The following ADGRL3 variants were observed in gnomAD, a reference collection of about 807,000 sequenced individuals.
The protein encoded by ADGRL3 is adhesion G protein-coupled receptor L3.
In ADGRL3, 62 loss-of-function variants were observed where a neutral mutation model predicts 153.5. That is an observed-to-expected ratio of 0.40 (90% CI 0.33 to 0.50). The LOEUF (loss-of-function observed/expected upper bound fraction) is 0.50. Among genes scored for constraint, ADGRL3 ranks in the 20% least tolerant of loss-of-function variants. ADGRL3 has a pLI of 0.47. For missense variants in ADGRL3, 1,641 were observed against 1,859.4 expected, an observed-to-expected ratio of 0.88 and a Z score of 2.16; for synonymous variants, 710 against 672.5, an observed-to-expected ratio of 1.06 and a Z score of -0.86.
chr4:61,981,531 GAAAGA>G (rs2099068332), intron 18 of ADGRL3, among the ~76,000 whole-genome samples: 1 of 149,544 alleles, frequency 6.7e-6, no homozygotes, highest in African/African-American at 2.5e-5. Context: ...GAAAAAAAGG[GAAAGA>G]AAAGAAAAAA....
At chr4:61,711,486 A>ATATATATATATATATATATG (rs2095987685) in intron 6 of ADGRL3, among the ~76,000 whole-genome samples, 1 of 110,542 alleles carries the variant, frequency 9.0e-6, no homozygotes, top group Non-Finnish European at 1.9e-5. Flanking sequence ...ATATATATAT[A>ATATATATATATATATATATG]TATATACACA....
rs201566415 is a variant in ADGRL3, at chr4:61,263,534, C to A, written c.-240+61769C>A. On this transcript the variant is annotated intron_variant, in intron 1 of 26. Transcript: ENST00000683033. ...TGTATAATTCTAGCGTTTCATTTTACAAAAAGTATAAACACTTCTAAATCC... is the reference window on the plus strand; with the variant it reads ...TGTATAATTCTAGCGTTTCATTTTAAAAAAAGTATAAACACTTCTAAATCC... Among the ~76,000 whole-genome samples the A allele has an allele frequency of 3.3e-5, 5 of 150,714 alleles. No homozygotes were observed. The East Asian group carries it at 9.8e-4, about 29-fold the overall frequency.
At chr4:61,630,466 C>CA (rs1197739375) in intron 5 of ADGRL3, among the ~76,000 whole-genome samples, 1 of 152,190 alleles carries the variant, frequency 6.6e-6, no homozygotes, top group African/African-American at 2.4e-5. Flanking sequence ...GTAAAGATAT[C>CA]AAGGAGTCAG....
At position 61,466,473 on chromosome 4, in the gene ADGRL3, T is replaced by C. The variant is rs565625476; in HGVS notation, c.-173-30648T>C. Among the ~76,000 whole-genome samples the C allele has an allele frequency of 2.0e-5, 3 of 152,312 alleles. No individual in the cohort carries two copies. The South Asian group carries it at 6.2e-4, about 32-fold the overall frequency. ...ATTGTAGAAATTATACTTTGTCTGG[T>C]TTGCTAGAGCAGGAGGATGCATAAA... On this transcript the variant is annotated intron_variant, in intron 2 of 26. Transcript: ENST00000683033.
intron 1 of ADGRL3, among the ~76,000 whole-genome samples, chr4:61,342,545 T>C (rs994486066): frequency 5.9e-5 from 9 of 152,222 alleles, no homozygotes; most frequent in Admixed American, 2.0e-4. Flanking sequence ...TGTCAGTCTC[T>C]TCTTTGGATG....
At chr4:61,960,528 G>A (rs2098983788) in intron 17 of ADGRL3, among the ~76,000 whole-genome samples, 1 of 152,152 alleles carries the variant, frequency 6.6e-6, no homozygotes, top group Admixed American at 6.6e-5. Context: ...GAAAGCCACA[G>A]GAGAGTTTTG....
intron 1 of ADGRL3, among the ~76,000 whole-genome samples, chr4:61,356,038 C>A (rs1390489567): frequency 6.6e-6 from 1 of 152,034 alleles, no homozygotes; most frequent in South Asian, 2.1e-4. Context: ...ACATTTGATA[C>A]ATACACATAG....
At chr4:61,258,608 C>T (rs3860621) in intron 1 of ADGRL3, among the ~76,000 whole-genome samples, 96,065 of 152,086 alleles carry the variant, frequency 0.63, 30,563 homozygotes, top group East Asian at 0.7. Flanking sequence ...GTCAGTGATA[C>T]TGAAATCAAT....
intron 2 of ADGRL3, among the ~76,000 whole-genome samples, chr4:61,442,991 T>C (rs1340276615): frequency 6.6e-6 from 1 of 152,156 alleles, no homozygotes; most frequent in Non-Finnish European, 1.5e-5. Context: ...ATGTTTAATA[T>C]AATGTATCTT....
rs1394891035 is a variant in ADGRL3 at position 61,489,159 on chromosome 4, G to A, written c.-173-7962G>A. On this transcript the variant is annotated intron_variant, in intron 2 of 26. Transcript: ENST00000683033. ...AGCCTTAAACCACCTGGTAAAATAAGTATTAAATTCAGATGTGAACATTAG... is the reference window on the plus strand; with the variant it reads ...AGCCTTAAACCACCTGGTAAAATAAATATTAAATTCAGATGTGAACATTAG... Among the ~76,000 whole-genome samples the A allele has an allele frequency of 4.6e-5, 7 of 151,812 alleles. No individual in the cohort carries two copies. In the South Asian group the frequency reaches 6.2e-4, roughly 14 times the overall value.
At chr4:61,228,519 A>G (rs1402211364) in intron 1 of ADGRL3, among the ~76,000 whole-genome samples, 1 of 152,154 alleles carries the variant, frequency 6.6e-6, no homozygotes, top group East Asian at 1.9e-4. Context: ...TATATAGTAG[A>G]GAGTAGGAAG....
At chr4:61,949,424 A>G (rs910479714) in intron 17 of ADGRL3, among the ~76,000 whole-genome samples, 1 of 152,174 alleles carries the variant, frequency 6.6e-6, no homozygotes, top group Admixed American at 6.6e-5. Flanking sequence ...TAGGCCGGGC[A>G]TGGTGGCTCA....
chr4:61,414,875 T>G (rs185481352), intron 2 of ADGRL3, among the ~76,000 whole-genome samples: 68 of 152,082 alleles, frequency 4.5e-4, no homozygotes, highest in African/African-American at 1.5e-3. Flanking sequence ...GTAATTTTGA[T>G]ATTTACATTA....
chr4:61,581,168 CAG>C (rs1460280033), intron 4 of ADGRL3, among the ~76,000 whole-genome samples: 2 of 151,954 alleles, frequency 1.3e-5, no homozygotes, highest in Non-Finnish European at 2.9e-5. Flanking sequence ...AGAGATGATT[CAG>C]AGAGGGCTGC....
At chr4:61,601,753 A>G (rs1452985287) in intron 5 of ADGRL3, among the ~76,000 whole-genome samples, 1 of 152,172 alleles carries the variant, frequency 6.6e-6, no homozygotes, top group Non-Finnish European at 1.5e-5. Context: ...TAAGGAAGAC[A>G]ACATAATTGT....
intron 8 of ADGRL3, among the ~76,000 whole-genome samples, chr4:61,794,479 A>T (rs1380510617): frequency 1.3e-5 from 2 of 152,234 alleles, no homozygotes; most frequent in Non-Finnish European, 2.9e-5. Flanking sequence ...AAACAAGTTA[A>T]TCTAAGAAGA....
At chr4:61,666,111 C>CT (rs1172253639) in intron 5 of ADGRL3, among the ~76,000 whole-genome samples, 7 of 152,088 alleles carry the variant, frequency 4.6e-5, no homozygotes, top group Admixed American at 2.0e-4. Flanking sequence ...TGTTTTGGTA[C>CT]TTTTTTCTTT....
chr4:61,749,763 GA>G (rs1220966191), intron 8 of ADGRL3, among the ~76,000 whole-genome samples: 14 of 152,146 alleles, frequency 9.2e-5, no homozygotes, highest in Middle Eastern at 3.4e-3. Context: ...AATGCTAAAT[GA>G]CGAGTTAATG....
At chr4:61,244,444 C>T (rs1756245517) in intron 1 of ADGRL3, among the ~76,000 whole-genome samples, 2 of 152,008 alleles carry the variant, frequency 1.3e-5, no homozygotes, top group African/African-American at 4.8e-5. Flanking sequence ...TGATCTTTCT[C>T]TTTCCTCAAA....
Sources: gnomAD v4.1 joint callset for allele counts (sites outside exome capture counted in the v4.1 genomes callset) on GRCh38, gnomAD v4.1.1 for gene constraint, MANE v1.5 for transcripts, NCBI Gene and HGNC (gene_info 2026-07-23, HGNC 2026-07-21) for gene names.